The following NR4A3 variants were observed in gnomAD, a reference collection of about 807,000 sequenced individuals.
NR4A3 encodes nuclear receptor subfamily 4 group A member 3.
Under a neutral mutation model 55.6 loss-of-function variants are expected in NR4A3, and 13 were observed. The observed-to-expected ratio is 0.23, with a 90% CI of 0.15 to 0.37. NR4A3 has a LOEUF of 0.37. Among genes scored for constraint, NR4A3 ranks in the 10% least tolerant of loss-of-function variants. The probability of loss-of-function intolerance (pLI) is 1.00; values close to 1 mark genes in which losing one functional copy is unlikely to be tolerated. For synonymous variants in NR4A3, 342 were observed against 357.9 expected, an observed-to-expected ratio of 0.96 and a Z score of 0.50; for missense variants, 646 against 822.8, an observed-to-expected ratio of 0.79 and a Z score of 2.63.
intron 5 of NR4A3, among the ~76,000 whole-genome samples, chr9:99,837,770 G>C (rs942742268): frequency 6.6e-6 from 1 of 152,148 alleles, no homozygotes; most frequent in Admixed American, 6.6e-5. Flanking sequence ...TATTAAAGAT[G>C]CTAGCTTCCC....
chr9:99,860,858 C>T (rs1309965672), intron 7 of NR4A3, among the ~76,000 whole-genome samples: 1 of 152,246 alleles, frequency 6.6e-6, no homozygotes, highest in Non-Finnish European at 1.5e-5. Context: ...TAGCACTCTA[C>T]AGCTGACAGA....
chr9:99,837,423 G>A (rs946154027), intron 5 of NR4A3, among the ~76,000 whole-genome samples: 4 of 151,968 alleles, frequency 2.6e-5, no homozygotes, highest in East Asian at 1.9e-4. Context: ...GCCTAATGTC[G>A]GTGACAGAGT....
intron 3 of NR4A3, among the ~76,000 whole-genome samples, chr9:99,831,792 A>G (rs2118532853): frequency 6.6e-6 from 1 of 152,354 alleles, no homozygotes; most frequent in South Asian, 2.1e-4. Flanking sequence ...AATTTGGAGG[A>G]CGAAATATGT....
Position 99,828,436 on chromosome 9 carries a change from T to A in NR4A3, c.394T>A (p.Ser132Thr). Residue 132 changes from serine to threonine, a missense_variant, in exon 3 of 8, where the codon TCC becomes ACC. Physicochemically the swap from Ser to Thr is moderately conservative, Grantham distance 58. Around this residue, in one of 5 missense-constraint regions of NR4A3, gnomAD observed 426 missense variants for 429.4 expected, o/e 0.99. Coordinates refer to ENST00000395097, the MANE Select transcript of NR4A3 (RefSeq NM_006981.4). This position sits in a 1 kb window ranked among gnomAD's most constrained non-coding sequence, Gnocchi z 7.7. ...GGAGGACGAGGTGCTGCCCAGCACC[T>A]CCATGTACTTCAAGCAGTCCCCACC... The part of the protein sequence containing the change: ...SPEDEVLPST[S>T]MYFKQSPPST... 1 of 1,580,430 alleles carries A rather than the reference T, an allele frequency of 6.3e-7. No homozygotes were observed. The highest frequency in any genetic ancestry group is 8.6e-7 in the Non-Finnish European group (1 of 1,163,892).
At chr9:99,826,923 C>T in intron 2 of NR4A3, 1 of 862,448 alleles carries the variant, frequency 1.2e-6, no homozygotes, top group Non-Finnish European at 1.8e-6. Flanking sequence ...AAAAACCAAC[C>T]ACCAAAAACC....
intron 7 of NR4A3, among the ~76,000 whole-genome samples, chr9:99,862,093 C>CA (rs879732859): frequency 0.012 from 1,574 of 135,582 alleles, 17 homozygotes; most frequent in Middle Eastern, 0.04. Context: ...GACCATGACT[C>CA]AAAAAAAAAA....
intron 7 of NR4A3, among the ~76,000 whole-genome samples, chr9:99,851,105 T>A (rs1449689818): frequency 6.6e-6 from 1 of 152,222 alleles, no homozygotes; most frequent in Non-Finnish European, 1.5e-5. Context: ...AGGTAGCTCC[T>A]GTTCCTGCCC....
rs757824827 is a variant in NR4A3 at position 99,833,588 on chromosome 9, C to G, written c.1254+134C>G. The G allele has an allele frequency of 2.5e-6, 4 of 1,603,736 alleles. No homozygotes were observed. In the East Asian group the frequency reaches 8.9e-5, roughly 36 times the overall value. ...GTTTTCATACTTTTTCTATATTTCT[C>G]GCTTCATTTAGCAATTCAGTGCATC... On this transcript the variant is annotated intron_variant, in intron 5 of 7. Coordinates refer to ENST00000395097, the MANE Select transcript of NR4A3 (RefSeq NM_006981.4).
In NR4A3 at chr9:99,866,116, T is replaced by A; in HGVS notation, c.*2249T>A. ...GAAGATAACCATGAGTAAAGTATAC[T>A]TTTGCATTAATTTTTTGAGCTTATA... On this transcript the variant is annotated 3_prime_UTR_variant, in exon 8 of 8. Coordinates refer to ENST00000395097, the MANE Select transcript of NR4A3 (RefSeq NM_006981.4). 1 of 212,178 alleles carries A rather than the reference T, an allele frequency of 4.7e-6. No homozygotes were observed. Among genetic ancestry groups the A allele is most frequent in the Non-Finnish European group, 9.6e-6 (1 of 104,496 alleles). 13.1% of individuals were successfully genotyped at this position (212,178 alleles called of 1,614,324 possible).
chr9:99,847,102 T>C (rs185378310), intron 6 of NR4A3, among the ~76,000 whole-genome samples: 11 of 152,346 alleles, frequency 7.2e-5, no homozygotes, highest in Admixed American at 2.0e-4. Context: ...AGGGGTGCAC[T>C]GGGCTTCATC....
At position 99,863,825 on chromosome 9, in the gene NR4A3, T is replaced by G; in HGVS notation, c.1839T>G (p.Pro613=). The part of the protein sequence containing the change: ...YLKLEDLVSP[P]SIIDKLFLDT... ...AGCTGGAAGACTTGGTGTCTCCACC[T>G]TCCATCATTGACAAGCTCTTCCTGG... The change falls in exon 8 of 8, where the codon CCT becomes CCG. Residue 613 remains proline, a synonymous_variant. Coordinates refer to ENST00000395097, the MANE Select transcript of NR4A3 (RefSeq NM_006981.4). 1 of 1,613,966 alleles carries G rather than the reference T, an allele frequency of 6.2e-7. No individual in the cohort carries two copies. The highest frequency in any genetic ancestry group is 8.5e-7 in the Non-Finnish European group (1 of 1,179,918).
intron 7 of NR4A3, among the ~76,000 whole-genome samples, chr9:99,857,518 G>A (rs1234888478): frequency 6.6e-6 from 1 of 152,088 alleles, no homozygotes; most frequent in Non-Finnish European, 1.5e-5. Flanking sequence ...CAGGGGTGGT[G>A]GCTCACACCT....
chr9:99,822,838 G>A lies in NR4A3; in HGVS notation c.-177+431G>A, dbSNP rs545118360. On this transcript the variant is annotated intron_variant, in intron 1 of 7. Coordinates refer to ENST00000395097, the MANE Select transcript of NR4A3 (RefSeq NM_006981.4). The surrounding 1 kb of genome is among the most constrained non-coding windows in gnomAD (Gnocchi z 4.9). ...ATTTTCCTGCCTTTTAAGTAGGATT[G>A]AAAATAGGAGCTCTGGTGGGTCCAA... 2.6e-5 allele frequency among the ~76,000 whole-genome samples: 4 copies of A among 152,336 alleles called. No homozygotes were observed. Among genetic ancestry groups the A allele is most frequent in the East Asian group, 3.9e-4 (2 of 5,184 alleles).
rs1422645011 is a variant in NR4A3 at position 99,863,637 on chromosome 9, G to A, written c.1651G>A (p.Glu551Lys). 6.2e-7 allele frequency: 1 copy of A among 1,613,800 alleles called. No homozygotes were observed. Among genetic ancestry groups the A allele is most frequent in the Non-Finnish European group, 8.5e-7 (1 of 1,179,904 alleles). Residue 551 changes from glutamate to lysine, a missense_variant, in exon 8 of 8, where the codon GAA becomes AAA. This residue lies in a region of NR4A3 where 163 missense variants were observed against 233.0 expected (regional missense o/e 0.70). Coordinates refer to ENST00000395097, the MANE Select transcript of NR4A3 (RefSeq NM_006981.4). ...CTCTGCAGAAAGACATGGGTTAAAA[G>A]AACCAAAGAGAGTCGAAGAGCTATG... ...SMITERHGLK[E>K]PKRVEELCNK...
chr9:99,829,282 A>G (rs2118523975), intron 3 of NR4A3, among the ~76,000 whole-genome samples: 1 of 152,210 alleles, frequency 6.6e-6, no homozygotes, highest in East Asian at 1.9e-4. Context: ...TCTTAAAAGG[A>G]CCTGTGACTT....
intron 7 of NR4A3, 51 bp downstream of exon 7, chr9:99,847,666 T>C: frequency 1.3e-6 from 2 of 1,573,728 alleles, no homozygotes; most frequent in Non-Finnish European, 1.7e-6. Flanking sequence ...CTTCCCTTTG[T>C]TATGGTGGAA....
At chr9:99,835,042 C>G in intron 5 of NR4A3, 3 of 407,594 alleles carry the variant, frequency 7.4e-6, no homozygotes, top group South Asian at 2.0e-4. Context: ...CCCTTTGATG[C>G]CTCAGTTTTC....
In NR4A3 at chr9:99,844,809, C is replaced by G; in HGVS notation, c.1415C>G (p.Ser472Ter). 1 of 1,614,240 alleles carries G rather than the reference C, an allele frequency of 6.2e-7. No homozygotes were observed. The highest frequency in any genetic ancestry group is 8.5e-7 in the Non-Finnish European group (1 of 1,180,024). ...GAAGATCAGACATTACTTATTGAAT[C>G]AGCCTTTTTGGAGCTGTTTGTCCTC... ...PKEDQTLLIE[S>*]AFLELFVLRL... The change falls in exon 6 of 8, where the codon TCA becomes TGA. Residue 472 changes from serine to a stop codon, truncating the protein, a stop_gained. Transcript: ENST00000395097. LOFTEE classifies it high-confidence loss of function.
chr9:99,833,193 C>T (rs1479312561), intron 4 of NR4A3, 89 bp from the exon 5 acceptor site: 3 of 1,474,818 alleles, frequency 2.0e-6, no homozygotes, highest in Non-Finnish European at 2.7e-6. Flanking sequence ...GATTGCTCAA[C>T]TGTAATGTGT....
Sources: gnomAD v4.1 joint callset for allele counts (sites outside exome capture counted in the v4.1 genomes callset) on GRCh38, gnomAD v4.1.1 for gene constraint, gnomAD v4.1.1 regional missense constraint, Gnocchi (gnomAD v3.1) non-coding constraint, MANE v1.5 for transcripts, NCBI Gene and HGNC (gene_info 2026-07-23, HGNC 2026-07-21) for gene names.